The following NALCN variants were observed in gnomAD, a reference collection of about 807,000 sequenced individuals.
NALCN encodes sodium leak channel NALCN.
Under a neutral mutation model 225.3 loss-of-function variants are expected in NALCN, and 111 were observed. The ratio of observed to expected loss-of-function variants is 0.49; its 90% confidence interval spans 0.42 to 0.58. The LOEUF is 0.58. Among genes scored for constraint, NALCN ranks in the 20% least tolerant of loss-of-function variants. The pLI is 0.00. For missense variants in NALCN, 1,378 were observed against 2,202.4 expected (o/e 0.63, Z 7.49); for synonymous variants, 764 against 769.0 (o/e 0.99, Z 0.11).
At chr13:101,290,355 C>T (rs1282430560) in intron 9 of NALCN, among the ~76,000 whole-genome samples, 2 of 152,168 alleles carry the variant, frequency 1.3e-5, no homozygotes, top group Non-Finnish European at 2.9e-5. Flanking sequence ...GATCATAGTT[C>T]CATATTCCAT....
chr13:101,328,189 C>T (rs758135976), intron 7 of NALCN, among the ~76,000 whole-genome samples: 1 of 152,194 alleles, frequency 6.6e-6, no homozygotes, highest in Non-Finnish European at 1.5e-5. Flanking sequence ...CTGGTAGTAT[C>T]TCAAAGCAGT....
intron 13 of NALCN, among the ~76,000 whole-genome samples, chr13:101,223,988 T>G (rs2041043003): frequency 6.6e-6 from 1 of 151,862 alleles, no homozygotes; most frequent in South Asian, 2.1e-4. Flanking sequence ...TAGCCCCAAT[T>G]CCCTCCTTAC....
chr13:101,275,395 A>G (rs2042937680), intron 10 of NALCN, among the ~76,000 whole-genome samples: 1 of 152,196 alleles, frequency 6.6e-6, no homozygotes, highest in Admixed American at 6.5e-5. Context: ...ACTTGCAATC[A>G]ATGTTCCCTT....
intron 12 of NALCN, among the ~76,000 whole-genome samples, chr13:101,234,831 A>G (rs2041487673): frequency 2.2e-5 from 3 of 137,588 alleles, no homozygotes; most frequent in African/African-American, 7.4e-5. Context: ...CTATCTATCT[A>G]TCTACTATCT....
At chr13:101,180,056 C>T (rs1248559496) in intron 14 of NALCN, among the ~76,000 whole-genome samples, 1 of 152,114 alleles carries the variant, frequency 6.6e-6, no homozygotes, top group Non-Finnish European at 1.5e-5. Flanking sequence ...CCCAGATAAT[C>T]CAGGATGATC....
intron 30 of NALCN, among the ~76,000 whole-genome samples, chr13:101,088,002 A>G (rs552809115): frequency 6.6e-6 from 1 of 152,182 alleles, no homozygotes; most frequent in Non-Finnish European, 1.5e-5. Context: ...AAAGGCATCT[A>G]AAAAGATCCT....
intron 13 of NALCN, among the ~76,000 whole-genome samples, chr13:101,193,932 A>G (rs1370913511): frequency 6.6e-6 from 1 of 152,222 alleles, no homozygotes; most frequent in Non-Finnish European, 1.5e-5. Flanking sequence ...TTCAACAGCA[A>G]TAGGTGAAGA....
chr13:101,118,525 C>T (rs16958402), intron 18 of NALCN, among the ~76,000 whole-genome samples: 10,631 of 152,036 alleles, frequency 0.07, 1,224 homozygotes, highest in African/African-American at 0.24. Flanking sequence ...CATCTTGTCT[C>T]CTTAGTTTAT....
intron 26 of NALCN, 82 bp from the exon 27 acceptor site, chr13:101,100,970 T>G (rs2034778232): frequency 1.6e-5 from 17 of 1,056,468 alleles, no homozygotes; most frequent in Non-Finnish European, 2.2e-5. Context: ...TAAATAGGAC[T>G]TCTAAGATAA....
intron 32 of NALCN, 40 bp downstream of exon 32, chr13:101,083,052 A>T (rs1342551077): frequency 1.9e-6 from 3 of 1,594,678 alleles, no homozygotes; most frequent in Non-Finnish European, 2.6e-6. Context: ...AGCAGTGAAT[A>T]CAAAATTCAT....
At chr13:101,190,246 T>C (rs538818630) in intron 14 of NALCN, among the ~76,000 whole-genome samples, 2 of 152,344 alleles carry the variant, frequency 1.3e-5, no homozygotes, top group African/African-American at 4.8e-5. Context: ...ATAATTAGAT[T>C]GATATTCCCT....
Position 101,104,721 on chromosome 13 carries a change from G to A in NALCN, c.2637-71C>T. ...AGGCTTCTAAGAGTTAGAGATGATG[G>A]CTTCTGTGGCTCTATCAACATGACT... is the stretch of plus-strand genomic sequence containing the variant. On this transcript the variant is annotated intron_variant, in intron 23 of 43. Transcript: ENST00000251127. The surrounding 1 kb of genome is among the most constrained non-coding windows in gnomAD (Gnocchi z 4.2). 1.3e-6 allele frequency: 2 copies of A among 1,595,046 alleles called. No individual in the cohort carries two copies. Among genetic ancestry groups the A allele is most frequent in the Non-Finnish European group, 1.7e-6 (2 of 1,167,750 alleles).
chr13:101,334,649 C>A (rs2045318130), intron 7 of NALCN, among the ~76,000 whole-genome samples: 1 of 152,130 alleles, frequency 6.6e-6, no homozygotes, highest in Non-Finnish European at 1.5e-5. Flanking sequence ...AAAAAGTAAA[C>A]CGCCAGCTAT....
At chr13:101,311,290 A>G (rs2139144425) in intron 7 of NALCN, among the ~76,000 whole-genome samples, 1 of 151,914 alleles carries the variant, frequency 6.6e-6, no homozygotes, top group East Asian at 1.9e-4. Flanking sequence ...TAGATATATA[A>G]TCATGTCATC....
At chr13:101,197,059 A>G (rs2039919739) in intron 13 of NALCN, among the ~76,000 whole-genome samples, 1 of 152,158 alleles carries the variant, frequency 6.6e-6, no homozygotes, top group Non-Finnish European at 1.5e-5. Context: ...GAAAAAAATA[A>G]AAATGGTGAG....
intron 15 of NALCN, among the ~76,000 whole-genome samples, chr13:101,156,973 C>A (rs1221377744): frequency 2.0e-5 from 3 of 152,012 alleles, no homozygotes; most frequent in Admixed American, 1.3e-4. Context: ...GATAAAAGGG[C>A]TTATTAGATA....
chr13:101,152,334 C>T (rs1242844252), intron 15 of NALCN, among the ~76,000 whole-genome samples: 2 of 152,152 alleles, frequency 1.3e-5, no homozygotes, highest in African/African-American at 2.4e-5. Context: ...TTCGGAGGGG[C>T]GGATGCACTG....
chr13:101,324,103 G>A (rs1205365384), intron 7 of NALCN, among the ~76,000 whole-genome samples: 1 of 151,858 alleles, frequency 6.6e-6, no homozygotes, highest in Non-Finnish European at 1.5e-5. Context: ...GCAACCAGAG[G>A]GTAAAAAAAT....
At chr13:101,202,965 T>C (rs572531933) in intron 13 of NALCN, among the ~76,000 whole-genome samples, 74 of 152,286 alleles carry the variant, frequency 4.9e-4, no homozygotes, top group Non-Finnish European at 7.8e-4. Flanking sequence ...AGCGTCTGAG[T>C]CTAAGTCACC....
Sources: gnomAD v4.1 joint callset for allele counts (sites outside exome capture counted in the v4.1 genomes callset) on GRCh38, gnomAD v4.1.1 for gene constraint, Gnocchi (gnomAD v3.1) non-coding constraint, MANE v1.5 for transcripts, NCBI Gene and HGNC (gene_info 2026-07-23, HGNC 2026-07-21) for gene names.